GPR31: variants seen among roughly 807,000 people sequenced by gnomAD.
GPR31 encodes the protein G protein-coupled receptor 31.
For missense variants in GPR31, 394 were observed against 400.5 expected (o/e 0.98, Z 0.14); for synonymous variants, 209 against 183.8 (o/e 1.14, Z -1.11).
chr6:167,157,127 A>G lies in GPR31; in HGVS notation c.705T>C (p.Phe235=). 6.2e-7 allele frequency: 1 copy of G among 1,614,212 alleles called. No homozygotes were observed. The highest frequency in any genetic ancestry group is 8.5e-7 in the Non-Finnish European group (1 of 1,180,030). ...GGACTCTGGCCAGGAAGCAGGGCAG[A>G]AAGCACAGAGCAAACAGCACCACCA... ...TLVVVLFALC[F]LPCFLARVLM... is the part of the protein sequence containing the mutation. Residue 235 remains phenylalanine (F), a synonymous_variant, in exon 1 of 1, where the codon TTT becomes TTC. Coordinates refer to ENST00000366834, the MANE Select transcript of GPR31 (RefSeq NM_005299.3).
rs369042833 is a variant in GPR31, at chr6:167,157,071, C to A, written c.761G>T (p.Cys254Phe). ...LMHIFQNLGS[C>F]RALCAVAHTS... ...ATGAGCCACTGCACAAAGGGCCCTG[C>A]AGCTCCCCAGATTCTGGAAGATGTG... Residue 254 changes from cysteine (C) to phenylalanine (F), a missense_variant, in exon 1 of 1, where the codon TGC (cysteine) becomes TTC (phenylalanine). Coordinates refer to ENST00000366834, the MANE Select transcript of GPR31 (RefSeq NM_005299.3). 6.2e-7 allele frequency: 1 copy of A among 1,614,202 alleles called. No individual in the cohort carries two copies. Among genetic ancestry groups the A allele is most frequent in the Admixed American group, 1.7e-5 (1 of 60,022 alleles).
rs369042833 is a variant in GPR31, at chr6:167,157,071, C to T, written c.761G>A (p.Cys254Tyr). The stretch of plus-strand genomic sequence containing the variant: ...ATGAGCCACTGCACAAAGGGCCCTG[C>T]AGCTCCCCAGATTCTGGAAGATGTG... ...LMHIFQNLGS[C>Y]RALCAVAHTS... is the part of the protein sequence containing the mutation. The change falls in exon 1 of 1, where the codon TGC becomes TAC. Residue 254 changes from cysteine (C) to tyrosine (Y), a missense_variant. Coordinates refer to ENST00000366834, the MANE Select transcript of GPR31 (RefSeq NM_005299.3). 4.0e-5 allele frequency: 65 copies of T among 1,614,084 alleles called. No individual in the cohort carries two copies. The highest frequency in any genetic ancestry group is 5.3e-5 in the Non-Finnish European group (63 of 1,180,034).
At position 167,157,882 on chromosome 6, in the gene GPR31, C is replaced by T. The variant is rs534410550; in HGVS notation, c.-51G>A. On this transcript the variant is annotated 5_prime_UTR_variant, in exon 1 of 1. Transcript: ENST00000366834. ...ACAGCTGGAGCAGGTACAGGAGGAA[C>T]TCTGTGCTCTTTCTTACAAAATGAA... is the stretch of plus-strand genomic sequence containing the variant. The T allele has an allele frequency of 2.1e-5, 32 of 1,521,604 alleles. No homozygotes were observed. Among genetic ancestry groups the T allele is most frequent in the Middle Eastern group, 4.3e-4 (2 of 4,624 alleles). 94.3% of individuals were successfully genotyped at this position (1,521,604 alleles called of 1,614,324 possible).
At position 167,156,779 on chromosome 6, in the gene GPR31, C is replaced by T; in HGVS notation, c.*93G>A. The T allele has an allele frequency of 7.4e-7, 1 of 1,350,664 alleles. No individual in the cohort carries two copies. The highest frequency in any genetic ancestry group is 1.0e-6 in the Non-Finnish European group (1 of 982,748). 83.7% of individuals were successfully genotyped at this position (1,350,664 alleles called of 1,614,324 possible). ...TGATCCTTGTATTGCAGTCTTAAGA[C>T]TTCTTCTTCTTCCAGAATCCCAAAG... On this transcript the variant is annotated 3_prime_UTR_variant, in exon 1 of 1. Coordinates refer to ENST00000366834, the MANE Select transcript of GPR31 (RefSeq NM_005299.3). This position sits in a 1 kb window ranked among gnomAD's most constrained non-coding sequence, Gnocchi z 4.5.
Position 167,157,207 on chromosome 6 carries a change from G to T in GPR31, c.625C>A (p.Arg209=). ...GIIRALQKRL[R]EPEKQPKLQR... is the part of the protein sequence containing the mutation. ...AGCTTGGGCTGTTTCTCAGGCTCCC[G>T]GAGTCTTTTCTGGAGAGCCCTGATG... Residue 209 remains arginine (R), a synonymous_variant, in exon 1 of 1, where the codon CGG becomes AGG. Coordinates refer to ENST00000366834, the MANE Select transcript of GPR31 (RefSeq NM_005299.3). The T allele has an allele frequency of 6.2e-7, 1 of 1,614,182 alleles. No homozygotes were observed. The highest frequency in any genetic ancestry group is 8.5e-7 in the Non-Finnish European group (1 of 1,180,024).
In GPR31 at chr6:167,155,964, C is replaced by A. The variant is rs1410528189; in HGVS notation, c.*908G>T. On this transcript the variant is annotated 3_prime_UTR_variant, in exon 1 of 1. Coordinates refer to ENST00000366834, the MANE Select transcript of GPR31 (RefSeq NM_005299.3). The stretch of plus-strand genomic sequence containing the variant: ...CAGAGGCTGGGGCTGGACGCCTGCC[C>A]ACCTTCACACTGTGGCCCATGGAGC... Among the ~76,000 whole-genome samples the A allele has an allele frequency of 6.6e-6, 1 of 152,228 alleles. No individual in the cohort carries two copies. Among genetic ancestry groups the A allele is most frequent in the Non-Finnish European group, 1.5e-5 (1 of 68,042 alleles).
In GPR31 at chr6:167,157,958, C is replaced by A; in HGVS notation, c.-127G>T. 1 of 1,164,824 alleles carries A rather than the reference C, an allele frequency of 8.6e-7. No individual in the cohort carries two copies. The highest frequency in any genetic ancestry group is 1.2e-6 in the Non-Finnish European group (1 of 838,712). The allele number at this position is 1,164,824 out of a possible 1,614,324, so 72.2% of individuals were successfully genotyped here. On this transcript the variant is annotated 5_prime_UTR_variant, in exon 1 of 1. Transcript: ENST00000366834. ...GTAGACAAGATCTACATTTGCCCAA[C>A]AAGAACAGTTCCTCAGCAGAATAGA... is the stretch of plus-strand genomic sequence containing the variant.
In GPR31 at chr6:167,157,327, C is replaced by A; in HGVS notation, c.505G>T (p.Ala169Ser). 2 of 1,614,004 alleles carry A rather than the reference C, an allele frequency of 1.2e-6. No individual in the cohort carries two copies. Among genetic ancestry groups the A allele is most frequent in the East Asian group, 2.2e-5 (1 of 44,874 alleles). ...STRCHSFYSRADGSFSIIWQE... is the reference protein window; with the variant it reads ...STRCHSFYSRSDGSFSIIWQE... ...CAGATGATGCTGAAGGAGCCGTCTG[C>A]CCTGGAGTAGAAACTGTGGCACCTG... Residue 169 changes from alanine to serine, a missense_variant, in exon 1 of 1, where the codon GCA becomes TCA. By Grantham distance (99) the Ala-to-Ser change is moderately conservative (BLOSUM62 1). Coordinates refer to ENST00000366834, the MANE Select transcript of GPR31 (RefSeq NM_005299.3).
rs752127452 is a variant in GPR31 at position 167,156,521 on chromosome 6, C to T, written c.*351G>A. The T allele has an allele frequency of 6.6e-5, 12 of 180,662 alleles. No homozygotes were observed. Among genetic ancestry groups the T allele is most frequent in the Non-Finnish European group, 1.0e-4 (9 of 87,640 alleles). The allele number at this position is 180,662 out of a possible 1,614,324, so 11.2% of individuals were successfully genotyped here. On this transcript the variant is annotated 3_prime_UTR_variant, in exon 1 of 1. Transcript: ENST00000366834. This position sits in a 1 kb window ranked among gnomAD's most constrained non-coding sequence, Gnocchi z 4.5. The stretch of plus-strand genomic sequence containing the variant: ...TAAGAGTTGGAAAGATGCCATCACC[C>T]GGCTTTCTTCTCTTCCTTCACTGAT...
chr6:167,156,910 C>A lies in GPR31; in HGVS notation c.922G>T (p.Glu308Ter). ...HTLRGKGQAA[E>*]PPDFNPRDSY... ...TCTCTGGGGTTGAAATCTGGGGGCT[C>A]TGCTGCCTGCCCTTTGCCTCGGAGG... The change falls in exon 1 of 1, where the codon GAG becomes TAG. Residue 308 changes from glutamate (E) to a stop codon, truncating the protein, a stop_gained. Transcript: ENST00000366834. LOFTEE classifies it high-confidence loss of function. The surrounding 1 kb of genome is among the most constrained non-coding windows in gnomAD (Gnocchi z 4.5). 1.2e-6 allele frequency: 2 copies of A among 1,610,776 alleles called. No individual in the cohort carries two copies. Among genetic ancestry groups the A allele is most frequent in the Non-Finnish European group, 1.7e-6 (2 of 1,178,346 alleles).
Position 167,157,909 on chromosome 6 carries a change from G to A in GPR31, c.-78C>T. The A allele has an allele frequency of 1.4e-6, 2 of 1,452,214 alleles. No homozygotes were observed. The highest frequency in any genetic ancestry group is 2.5e-5 in the East Asian group (1 of 40,316). 90.0% of individuals were successfully genotyped at this position (1,452,214 alleles called of 1,614,324 possible). On this transcript the variant is annotated 5_prime_UTR_variant, in exon 1 of 1. Coordinates refer to ENST00000366834, the MANE Select transcript of GPR31 (RefSeq NM_005299.3). ...CTGTGCTCTTTCTTACAAAATGAAA[G>A]AAAAGGCCTTTTCCTGCCACAGAGT...
chr6:167,157,600 G>A lies in GPR31; in HGVS notation c.232C>T (p.Gln78Ter). The change falls in exon 1 of 1, where the codon CAG becomes TAG. Residue 78 changes from glutamine to a stop codon, truncating the protein, a stop_gained. Transcript: ENST00000366834. LOFTEE classifies it low-confidence loss of function (END_TRUNC). ...CCCACACGGCCCAGATGCCAAGCCT[G>A]GAGGCTCAGGTAGAAGGCGGCCAGG... ...PFLAAFYLSL[Q>*]AWHLGRVGCW... 6.2e-7 allele frequency: 1 copy of A among 1,613,450 alleles called. No individual in the cohort carries two copies. Among genetic ancestry groups the A allele is most frequent in the Non-Finnish European group, 8.5e-7 (1 of 1,179,734 alleles).
In GPR31 at chr6:167,156,127, G is replaced by A. The variant is rs1182054554; in HGVS notation, c.*745C>T. 6.6e-6 allele frequency: 1 copy of A among 152,136 alleles called. No individual in the cohort carries two copies. Among genetic ancestry groups the A allele is most frequent in the African/African-American group, 2.4e-5 (1 of 41,430 alleles). 9.4% of individuals were successfully genotyped at this position (152,136 alleles called of 1,614,324 possible). A position where few individuals can be genotyped will look rare whatever the true frequency, so the allele number is the denominator to read the frequency against. On this transcript the variant is annotated 3_prime_UTR_variant, in exon 1 of 1. Transcript: ENST00000366834. This position sits in a 1 kb window ranked among gnomAD's most constrained non-coding sequence, Gnocchi z 4.5. ...GTTCTGTGACCTTTTTTTCACATCG[G>A]GGGAAGCAAAGTACATTTCAAAAGC...
chr6:167,157,051 C>G lies in GPR31; in HGVS notation c.781G>C (p.Ala261Pro). 1 of 1,614,172 alleles carries G rather than the reference C, an allele frequency of 6.2e-7. No individual in the cohort carries two copies. Among genetic ancestry groups the G allele is most frequent in the East Asian group, 2.2e-5 (1 of 44,882 alleles). Reference protein sequence around the residue: ...LGSCRALCAVAHTSDVTGSLT... With the variant: ...LGSCRALCAVPHTSDVTGSLT... ...CTGCCCGTGACATCCGAGGTATGAGCCACTGCACAAAGGGCCCTGCAGCTC... is the reference window on the plus strand; with the variant it reads ...CTGCCCGTGACATCCGAGGTATGAGGCACTGCACAAAGGGCCCTGCAGCTC... The change falls in exon 1 of 1, where the codon GCT becomes CCT. Residue 261 changes from alanine (A) to proline (P), a missense_variant. Transcript: ENST00000366834.
At position 167,157,539 on chromosome 6, in the gene GPR31, C is replaced by T. The variant is rs142375687; in HGVS notation, c.293G>A (p.Arg98His). ...GGCCAGGAAGGCCATCCCCACGCTG[C>T]GGCTGAGGTCCAGCAGGAAGTGCAG... ...WALHFLLDLS[R>H]SVGMAFLAAV... Residue 98 changes from arginine to histidine, a missense_variant, in exon 1 of 1, where the codon CGC (arginine) becomes CAC (histidine). Physicochemically the swap from Arg to His is conservative, Grantham distance 29 (BLOSUM62 0). Coordinates refer to ENST00000366834, the MANE Select transcript of GPR31 (RefSeq NM_005299.3). 241 of 1,610,102 alleles carry T rather than the reference C, an allele frequency of 1.5e-4. 1 individual carries two copies. In the African/African-American group the frequency reaches 2.8e-3, roughly 19 times the overall value.
At position 167,157,672 on chromosome 6, in the gene GPR31, G is replaced by T. The variant is rs757471942; in HGVS notation, c.160C>A (p.Leu54Ile). Residue 54 changes from leucine (L) to isoleucine (I), a missense_variant, in exon 1 of 1, where the codon CTC becomes ATC. Leu to Ile is a conservative substitution (Grantham distance 5). Transcript: ENST00000366834. Reference sequence around the variant, plus strand: ...AGCAGGTCAGCCAGGGCCAGGTTGAGCAGGTAGACAGCGTACGGCTTCCAC... The same window carrying T: ...AGCAGGTCAGCCAGGGCCAGGTTGATCAGGTAGACAGCGTACGGCTTCCAC... ...RVWKPYAVYLLNLALADLLLA... is the reference protein window; with the variant it reads ...RVWKPYAVYLINLALADLLLA... 6.2e-7 allele frequency: 1 copy of T among 1,613,858 alleles called. No homozygotes were observed. The highest frequency in any genetic ancestry group is 1.7e-5 in the Admixed American group (1 of 60,034).
At position 167,157,475 on chromosome 6, in the gene GPR31, A is replaced by G; in HGVS notation, c.357T>C (p.Pro119=). 1 of 1,613,586 alleles carries G rather than the reference A, an allele frequency of 6.2e-7. No individual in the cohort carries two copies. The highest frequency in any genetic ancestry group is 8.5e-7 in the Non-Finnish European group (1 of 1,179,888). Residue 119 remains proline, a synonymous_variant, in exon 1 of 1, where the codon CCT becomes CCC. Coordinates refer to ENST00000366834, the MANE Select transcript of GPR31 (RefSeq NM_005299.3). ...ALDRYLRVVH[P]RLKVNLLSPQ... is the part of the protein sequence containing the mutation. Reference sequence around the variant, plus strand: ...GAGACAGCAGGTTGACCTTAAGCCGAGGGTGGACCACACGGAGGTACCGGT... The same window carrying G: ...GAGACAGCAGGTTGACCTTAAGCCGGGGGTGGACCACACGGAGGTACCGGT...
chr6:167,156,843 A>C lies in GPR31; in HGVS notation c.*29T>G. ...TATTTAGGTCGCAGGTAGTTCCATA[A>C]ACACGGGCGTTGAGGACGCTGGCTG... On this transcript the variant is annotated 3_prime_UTR_variant, in exon 1 of 1. Coordinates refer to ENST00000366834, the MANE Select transcript of GPR31 (RefSeq NM_005299.3). This position sits in a 1 kb window ranked among gnomAD's most constrained non-coding sequence, Gnocchi z 4.5. The C allele has an allele frequency of 6.5e-7, 1 of 1,538,498 alleles. No homozygotes were observed. The highest frequency in any genetic ancestry group is 8.7e-7 in the Non-Finnish European group (1 of 1,146,702).
rs770126227 is a variant in GPR31, at chr6:167,156,868, G to A, written c.*4C>T. On this transcript the variant is annotated 3_prime_UTR_variant, in exon 1 of 1. Transcript: ENST00000366834. The surrounding 1 kb of genome is among the most constrained non-coding windows in gnomAD (Gnocchi z 4.5). Reference sequence around the variant, plus strand: ...AACACGGGCGTTGAGGACGCTGGCTGTTGTCAGGAATAGGAGTCTCTGGGG... The same window carrying A: ...AACACGGGCGTTGAGGACGCTGGCTATTGTCAGGAATAGGAGTCTCTGGGG... 3.2e-6 allele frequency: 5 copies of A among 1,570,028 alleles called. No homozygotes were observed. In the South Asian group the frequency reaches 5.9e-5, roughly 19 times the overall value.
Sources: gnomAD v4.1 joint callset for allele counts (sites outside exome capture counted in the v4.1 genomes callset) on GRCh38, gnomAD v4.1.1 for gene constraint, Gnocchi (gnomAD v3.1) non-coding constraint, MANE v1.5 for transcripts, NCBI Gene and HGNC (gene_info 2026-07-23, HGNC 2026-07-21) for gene names.